The following THADA variants were observed in gnomAD, a reference collection of about 807,000 sequenced individuals.
THADA encodes tRNA (32-2'-O)-methyltransferase regulator THADA.
THADA carries 213 observed loss-of-function variants against 219.8 expected under a neutral mutation model. The observed-to-expected ratio is 0.97, with a 90% confidence interval of 0.87 to 1.09. The LOEUF is 1.09. Among genes scored for constraint, THADA ranks in the 50% least tolerant of loss-of-function variants. The pLI is 0.00. For missense variants in THADA, 2,956 were observed against 2,311.3 expected (o/e 1.28, Z -5.72); for synonymous variants, 1,018 against 828.9 (o/e 1.23, Z -3.92).
At chr2:43,482,407 A>C (rs961311402) in intron 26 of THADA, among the ~76,000 whole-genome samples, 2 of 152,172 alleles carry the variant, frequency 1.3e-5, no homozygotes, top group Non-Finnish European at 2.9e-5. Context: ...CGGCACTGGG[A>C]ATACATCATT....
chr2:43,569,829 A>T (rs925038738), intron 14 of THADA, among the ~76,000 whole-genome samples: 8 of 152,164 alleles, frequency 5.3e-5, no homozygotes, highest in Admixed American at 2.6e-4. Flanking sequence ...CTGAAAAGAA[A>T]TTCAAGATTG....
intron 31 of THADA, among the ~76,000 whole-genome samples, chr2:43,318,491 G>A (rs775550179): frequency 7.9e-5 from 12 of 152,028 alleles, no homozygotes; most frequent in Admixed American, 1.3e-4. Flanking sequence ...CTCATACTAA[G>A]TCTTTGAAAT....
At chr2:43,501,645 T>C (rs1688990737) in intron 24 of THADA, among the ~76,000 whole-genome samples, 1 of 152,084 alleles carries the variant, frequency 6.6e-6, no homozygotes, top group Non-Finnish European at 1.5e-5. Flanking sequence ...GACATAATAA[T>C]TAAACTAGTG....
intron 24 of THADA, among the ~76,000 whole-genome samples, chr2:43,499,762 T>C (rs921658447): frequency 5.9e-5 from 9 of 152,068 alleles, no homozygotes; most frequent in Non-Finnish European, 5.9e-5. Context: ...AGACGCTACC[T>C]ACATATCAAT....
At chr2:43,308,528 G>C (rs994079755) in intron 31 of THADA, among the ~76,000 whole-genome samples, 3 of 152,008 alleles carry the variant, frequency 2.0e-5, no homozygotes, top group African/African-American at 7.2e-5. Flanking sequence ...AACATAGTGA[G>C]ACCTTGTCTT....
At chr2:43,383,133 T>C (rs1276426085) in intron 29 of THADA, among the ~76,000 whole-genome samples, 2 of 152,170 alleles carry the variant, frequency 1.3e-5, no homozygotes, top group African/African-American at 4.8e-5. Flanking sequence ...TAAATGAGCA[T>C]GTATGGCTCT....
intron 31 of THADA, among the ~76,000 whole-genome samples, chr2:43,319,778 G>T (rs114597869): frequency 6.6e-6 from 1 of 152,182 alleles, no homozygotes; most frequent in Non-Finnish European, 1.5e-5. Flanking sequence ...ATTCCAGTTT[G>T]TGCTGATGAA....
chr2:43,279,559 C>T (rs1486279830), intron 36 of THADA, among the ~76,000 whole-genome samples: 1 of 152,178 alleles, frequency 6.6e-6, no homozygotes, highest in Non-Finnish European at 1.5e-5. Flanking sequence ...TGAGAAGCTG[C>T]CTATTTTTGT....
intron 30 of THADA, among the ~76,000 whole-genome samples, chr2:43,332,445 TG>T (rs1380134436): frequency 6.6e-6 from 1 of 152,232 alleles, no homozygotes; most frequent in Non-Finnish European, 1.5e-5. Context: ...GTCTTACTTG[TG>T]GGGTTTCTGA....
At chr2:43,433,833 G>T (rs1679709614) in intron 26 of THADA, among the ~76,000 whole-genome samples, 1 of 152,038 alleles carries the variant, frequency 6.6e-6, no homozygotes, top group South Asian at 2.1e-4. Context: ...CACTACAGGT[G>T]CGCACCACCA....
intron 7 of THADA, among the ~76,000 whole-genome samples, chr2:43,585,569 T>C (rs906574541): frequency 2.8e-5 from 4 of 143,028 alleles, no homozygotes; most frequent in South Asian, 2.1e-4. Flanking sequence ...GATAGATAGA[T>C]AGATAGATAG....
intron 29 of THADA, among the ~76,000 whole-genome samples, chr2:43,387,657 C>T (rs1672859430): frequency 6.6e-6 from 1 of 152,160 alleles, no homozygotes; most frequent in Non-Finnish European, 1.5e-5. Context: ...TTGCCCCCGC[C>T]TCCGCCCCCT....
chr2:43,384,400 AC>A (rs1214723816), intron 29 of THADA, among the ~76,000 whole-genome samples: 2 of 152,120 alleles, frequency 1.3e-5, no homozygotes, highest in Non-Finnish European at 2.9e-5. Context: ...TCAGAAACCT[AC>A]CCAACTCAGT....
chr2:43,515,369 A>G (rs1426724216), intron 22 of THADA, among the ~76,000 whole-genome samples: 1 of 94,330 alleles, frequency 1.1e-5, no homozygotes, highest in Non-Finnish European at 2.0e-5. Context: ...AATATATAAT[A>G]TATAATATAT....
intron 26 of THADA, among the ~76,000 whole-genome samples, chr2:43,465,805 A>C (rs994841732): frequency 6.6e-6 from 1 of 152,138 alleles, no homozygotes; most frequent in Non-Finnish European, 1.5e-5. Context: ...TGCCAAATAG[A>C]TGTCATTTTG....
intron 8 of THADA, among the ~76,000 whole-genome samples, 171 bp downstream of exon 8, chr2:43,581,564 GAAAAAA>G (rs1184602109): frequency 8.5e-6 from 1 of 117,668 alleles, no homozygotes; most frequent in African/African-American, 3.2e-5. Flanking sequence ...AAAAAGAAAA[GAAAAAA>G]AAAAAAAACC....
chr2:43,551,657 A>T, intron 19 of THADA, 132 bp downstream of exon 19: 1 of 813,504 alleles, frequency 1.2e-6, no homozygotes, highest in Non-Finnish European at 1.7e-6. Context: ...AAATACCACA[A>T]ATAATAATAA....
intron 30 of THADA, among the ~76,000 whole-genome samples, chr2:43,339,705 A>G (rs1666863050): frequency 6.6e-6 from 1 of 152,222 alleles, no homozygotes; most frequent in African/African-American, 2.4e-5. Context: ...AGCCAAATTC[A>G]CTTCTGAAAA....
At chr2:43,385,102 C>CT (rs1020710162) in intron 29 of THADA, among the ~76,000 whole-genome samples, 5 of 152,028 alleles carry the variant, frequency 3.3e-5, no homozygotes, top group African/African-American at 1.2e-4. Flanking sequence ...CATCTCACTA[C>CT]TGCTCTCTAG....
Sources: allele counts gnomAD v4.1 joint callset (sites outside exome capture counted in the v4.1 genomes callset), GRCh38; gene constraint gnomAD v4.1.1; transcripts MANE v1.5; gene names NCBI Gene and HGNC (gene_info 2026-07-23, HGNC 2026-07-21).